SGCZ: variants seen among roughly 807,000 people sequenced by gnomAD.
The protein encoded by SGCZ is sarcoglycan zeta.
A neutral mutation model predicts 41.3 loss-of-function variants in SGCZ; 40 were observed. That is an observed-to-expected ratio of 0.97 (90% CI 0.75 to 1.26). The LOEUF is 1.26. Ranked by LOEUF, SGCZ falls within the 50% of genes most tolerant of loss-of-function variation. The probability of loss-of-function intolerance (pLI) is 0.00; values close to 1 mark genes in which losing one functional copy is unlikely to be tolerated. For synonymous variants in SGCZ, 206 were observed against 137.5 expected (o/e 1.50, Z -3.49); for missense variants, 552 against 369.8 (o/e 1.49, Z -4.04).
chr8:14,390,478 G>C (rs190348995), intron 2 of SGCZ, among the ~76,000 whole-genome samples: 2 of 151,672 alleles, frequency 1.3e-5, no homozygotes, highest in African/African-American at 4.8e-5. Context: ...ATAAATAAAA[G>C]ACTTTTAAAC....
intron 1 of SGCZ, among the ~76,000 whole-genome samples, chr8:15,127,607 G>C (rs1250865937): frequency 1.3e-5 from 2 of 151,898 alleles, no homozygotes; most frequent in Non-Finnish European, 2.9e-5. Flanking sequence ...TGAAAAAGAG[G>C]ACAGCCTTTA....
rs527496668 is a variant in SGCZ at position 14,671,026 on chromosome 8, T to C, written c.40-116100A>G. 5.9e-5 allele frequency among the ~76,000 whole-genome samples: 9 copies of C among 152,336 alleles called. No individual in the cohort carries two copies. In the East Asian group the frequency reaches 1.5e-3, roughly 26 times the overall value. Reference sequence around the variant, plus strand: ...TTCTAGCTCTCAAGCTTCCTTGGTGTGCTGAAGCTTTGGTTGGGAAAGGAG... The same window carrying C: ...TTCTAGCTCTCAAGCTTCCTTGGTGCGCTGAAGCTTTGGTTGGGAAAGGAG... On this transcript the variant is annotated intron_variant, in intron 1 of 7. Transcript: ENST00000382080.
intron 3 of SGCZ, among the ~76,000 whole-genome samples, chr8:14,243,235 A>G (rs897043237): frequency 6.6e-6 from 1 of 152,312 alleles, no homozygotes; most frequent in East Asian, 1.9e-4. Context: ...AAGTTTGTAT[A>G]GTTTACAAGA....
chr8:14,223,178 C>A (rs916335028), intron 4 of SGCZ, among the ~76,000 whole-genome samples: 1 of 152,018 alleles, frequency 6.6e-6, no homozygotes, highest in East Asian at 1.9e-4. Flanking sequence ...TTCCTTTGTA[C>A]GTTTTACCCT....
At chr8:14,753,771 C>T (rs1452952466) in intron 1 of SGCZ, among the ~76,000 whole-genome samples, 1 of 152,140 alleles carries the variant, frequency 6.6e-6, no homozygotes, top group Non-Finnish European at 1.5e-5. Flanking sequence ...ATCTCAGTTG[C>T]CCATACATGA....
intron 1 of SGCZ, among the ~76,000 whole-genome samples, chr8:14,799,758 C>T (rs1349022063): frequency 6.6e-6 from 1 of 152,054 alleles, no homozygotes; most frequent in Non-Finnish European, 1.5e-5. Context: ...GCAACCTTCT[C>T]TAAAACCTCA....
chr8:15,237,545 C>T (rs1314391253), intron 1 of SGCZ, 40 bp downstream of exon 1: 3 of 1,577,816 alleles, frequency 1.9e-6, no homozygotes, highest in East Asian at 4.6e-5. Flanking sequence ...GCAGGGAGCG[C>T]CGAGAAGCGG....
chr8:14,666,267 T>C (rs1807907500), intron 1 of SGCZ, among the ~76,000 whole-genome samples: 1 of 152,174 alleles, frequency 6.6e-6, no homozygotes, highest in Non-Finnish European at 1.5e-5. Flanking sequence ...CAGTAATAAA[T>C]GCCTTTTCTG....
chr8:14,351,786 C>A (rs1484916796), intron 2 of SGCZ, among the ~76,000 whole-genome samples: 2 of 152,010 alleles, frequency 1.3e-5, no homozygotes, highest in Non-Finnish European at 2.9e-5. Context: ...AATGTCTTAA[C>A]TATTTGGCAA....
intron 2 of SGCZ, among the ~76,000 whole-genome samples, chr8:14,354,637 A>G (rs1215577782): frequency 1.3e-5 from 2 of 151,896 alleles, no homozygotes; most frequent in Non-Finnish European, 1.5e-5. Flanking sequence ...TACATAATAT[A>G]AAATTCCTAA....
chr8:14,979,470 G>T (rs1274031792), intron 1 of SGCZ, among the ~76,000 whole-genome samples: 2 of 152,134 alleles, frequency 1.3e-5, no homozygotes, highest in African/African-American at 4.8e-5. Flanking sequence ...ATCTCTTTTG[G>T]AAATTTTAAT....
chr8:14,587,682 T>G (rs1173770857), intron 1 of SGCZ, among the ~76,000 whole-genome samples: 1 of 152,214 alleles, frequency 6.6e-6, no homozygotes, highest in African/African-American at 2.4e-5. Context: ...GATGTAATAC[T>G]TCACCTCTCT....
chr8:14,533,972 C>T lies in SGCZ; in HGVS notation c.234+20760G>A, dbSNP rs552872555. On this transcript the variant is annotated intron_variant, in intron 2 of 7. Transcript: ENST00000382080. ...ATGAAGAAAGACAGCTGAGAAGTGA[C>T]GTGACACAGCAGCAAGGCTCATTCT... 2.0e-4 allele frequency among the ~76,000 whole-genome samples: 30 copies of T among 151,908 alleles called. No homozygotes were observed. In the South Asian group the frequency reaches 3.5e-3, roughly 18 times the overall value.
chr8:14,710,817 A>G (rs1450073779), intron 1 of SGCZ, among the ~76,000 whole-genome samples: 1 of 152,210 alleles, frequency 6.6e-6, no homozygotes, highest in African/African-American at 2.4e-5. Context: ...AAATCTTTTT[A>G]AAGCAATTTT....
intron 4 of SGCZ, among the ~76,000 whole-genome samples, chr8:14,199,627 C>T (rs116424155): frequency 0.011 from 1,617 of 152,116 alleles, 26 homozygotes; most frequent in African/African-American, 0.036. Flanking sequence ...ATGTCTCCCC[C>T]GGACACGCAG....
At chr8:14,686,956 A>C (rs2117557617) in intron 1 of SGCZ, among the ~76,000 whole-genome samples, 1 of 151,928 alleles carries the variant, frequency 6.6e-6, no homozygotes, top group Admixed American at 6.6e-5. Context: ...CTCACCTCAC[A>C]AAATATTCAG....
chr8:14,870,250 G>A (rs1804098218), intron 1 of SGCZ, among the ~76,000 whole-genome samples: 1 of 152,038 alleles, frequency 6.6e-6, no homozygotes, highest in African/African-American at 2.4e-5. Flanking sequence ...ACAGAAAAGA[G>A]GCCTCAGAAA....
At chr8:14,243,900 T>G (rs35443490) in intron 3 of SGCZ, among the ~76,000 whole-genome samples, 49,956 of 152,068 alleles carry the variant, frequency 0.33, 8,620 homozygotes, top group Non-Finnish European at 0.39. Context: ...TTCATGTGAT[T>G]TGTAACCTTC....
At chr8:14,608,362 T>A (rs757607557) in intron 1 of SGCZ, among the ~76,000 whole-genome samples, 2 of 151,910 alleles carry the variant, frequency 1.3e-5, no homozygotes, top group African/African-American at 2.4e-5. Context: ...GGCTCACCGT[T>A]CTGCAGGCTG....
Sources: gnomAD v4.1 joint callset for allele counts (sites outside exome capture counted in the v4.1 genomes callset) on GRCh38, gnomAD v4.1.1 for gene constraint, MANE v1.5 for transcripts, NCBI Gene and HGNC (gene_info 2026-07-23, HGNC 2026-07-21) for gene names.